SNX29: variants seen among roughly 807,000 people sequenced by gnomAD.
SNX29 encodes sorting nexin-29.
A neutral mutation model predicts 102.1 loss-of-function variants in SNX29; 78 were observed. The ratio of observed to expected loss-of-function variants is 0.76; its 90% CI spans 0.64 to 0.92. SNX29 has a LOEUF of 0.92. Among genes scored for constraint, SNX29 ranks in the 40% least tolerant of loss-of-function variants. The pLI, the probability that SNX29 is intolerant of heterozygous loss-of-function variation, is 0.00. For missense variants in SNX29, 1,280 were observed against 1,061.7 expected (o/e 1.21, Z -2.86); for synonymous variants, 580 against 414.5 (o/e 1.40, Z -4.85).
chr16:12,554,773 C>T (rs940628283), intron 20 of SNX29, among the ~76,000 whole-genome samples: 17 of 147,760 alleles, frequency 1.2e-4, no homozygotes, highest in Admixed American at 2.7e-4. Context: ...CTCTCTCCCC[C>T]GCCATAGAAT....
chr16:12,193,478 A>AAAAG (rs386384265), intron 13 of SNX29, among the ~76,000 whole-genome samples: 2 of 151,844 alleles, frequency 1.3e-5, no homozygotes. Context: ...TTCAAAAAAA[A>AAAAG]AAAAGAAAAA....
At chr16:12,393,120 ACT>A (rs1234518953) in intron 16 of SNX29, among the ~76,000 whole-genome samples, 4 of 152,166 alleles carry the variant, frequency 2.6e-5, no homozygotes, top group Admixed American at 1.3e-4. Context: ...TGAGAAAGTG[ACT>A]CTGGAAAACA....
chr16:12,177,727 A>G (rs1304704462), intron 13 of SNX29, among the ~76,000 whole-genome samples: 2 of 152,168 alleles, frequency 1.3e-5, no homozygotes, highest in Non-Finnish European at 2.9e-5. Context: ...AGTCTTTTAA[A>G]ATGAGTGAAT....
At chr16:12,431,807 G>C (rs1028619908) in intron 18 of SNX29, among the ~76,000 whole-genome samples, 2 of 152,212 alleles carry the variant, frequency 1.3e-5, no homozygotes, top group Admixed American at 6.5e-5. Flanking sequence ...TAATGCTCAC[G>C]ACATAGCTTT....
In SNX29 at chr16:12,387,443, C is replaced by G. The variant is rs559485887; in HGVS notation, c.1900-11003C>G. On this transcript the variant is annotated intron_variant, in intron 16 of 20. Transcript: ENST00000566228. ...AGTGGAGAACAGGTTCCCATCCAAG[C>G]TGAGCTGAGGGGACGATGGCTCAGG... Among the ~76,000 whole-genome samples the G allele has an allele frequency of 2.0e-5, 3 of 151,256 alleles. No individual in the cohort carries two copies. The South Asian group carries it at 6.3e-4, about 32-fold the overall frequency.
At chr16:12,404,084 C>G (rs551620352) in intron 18 of SNX29, among the ~76,000 whole-genome samples, 18 of 152,302 alleles carry the variant, frequency 1.2e-4, no homozygotes, top group Admixed American at 7.8e-4. Flanking sequence ...GTGACCACCA[C>G]TGTCGCCAGG....
intron 18 of SNX29, among the ~76,000 whole-genome samples, chr16:12,407,046 A>G (rs2084194403): frequency 6.6e-6 from 1 of 152,246 alleles, no homozygotes; most frequent in South Asian, 2.1e-4. Context: ...AGAGGTCTGC[A>G]GGGCGGCTGC....
chr16:12,309,204 T>A (rs1438109410), intron 15 of SNX29, among the ~76,000 whole-genome samples: 1 of 152,204 alleles, frequency 6.6e-6, no homozygotes, highest in Non-Finnish European at 1.5e-5. Flanking sequence ...CTGTTTGAGT[T>A]GGGTTCAGGA....
chr16:12,537,101 A>C (rs1483322395), intron 20 of SNX29, among the ~76,000 whole-genome samples: 1 of 152,232 alleles, frequency 6.6e-6, no homozygotes, highest in African/African-American at 2.4e-5. Flanking sequence ...ACCCACGGTC[A>C]GTCCCTTTCC....
chr16:12,547,914 G>C (rs1033272459), intron 20 of SNX29, among the ~76,000 whole-genome samples: 1 of 152,116 alleles, frequency 6.6e-6, no homozygotes, highest in South Asian at 2.1e-4. Flanking sequence ...CTGCTCTTAG[G>C]GGTTCAGGGA....
At chr16:12,254,645 C>CA (rs112978310) in intron 14 of SNX29, among the ~76,000 whole-genome samples, 5,016 of 139,178 alleles carry the variant, frequency 0.036, 125 homozygotes, top group Admixed American at 0.068. Context: ...ACTCCATCTC[C>CA]AAAAAAAAAA....
intron 10 of SNX29, among the ~76,000 whole-genome samples, chr16:12,070,947 G>A (rs2051266220): frequency 6.6e-6 from 1 of 152,100 alleles, no homozygotes; most frequent in Non-Finnish European, 1.5e-5. Flanking sequence ...TTTTTCATGT[G>A]TCTTTTGGCT....
At chr16:12,235,805 G>GTA (rs1555494562) in intron 14 of SNX29, among the ~76,000 whole-genome samples, 52 of 152,026 alleles carry the variant, frequency 3.4e-4, no homozygotes, top group African/African-American at 1.1e-3. Context: ...GTGTGTGTGT[G>GTA]TGTGTATGTG....
chr16:12,050,475 C>G (rs1228369336), intron 7 of SNX29, among the ~76,000 whole-genome samples: 1 of 152,056 alleles, frequency 6.6e-6, no homozygotes, highest in Non-Finnish European at 1.5e-5. Flanking sequence ...GGCTCTTCTG[C>G]TGGGCTCTTT....
chr16:12,167,846 T>C (rs1254302721), intron 13 of SNX29, among the ~76,000 whole-genome samples: 3 of 152,234 alleles, frequency 2.0e-5, no homozygotes, highest in East Asian at 1.9e-4. Context: ...TAAGGTGTTA[T>C]TGTAACCCAT....
chr16:12,549,529 T>TTATATAG lies in SNX29; in HGVS notation c.2319-18977_2319-18976insTATATAG, dbSNP rs1164314068. 4.1e-3 allele frequency among the ~76,000 whole-genome samples: 261 copies of TTATATAG among 63,980 alleles called. 1 individual carries two copies. The highest frequency in any genetic ancestry group is 0.04 in the African/African-American group (258 of 6,482). 42.0% of individuals were successfully genotyped at this position (63,980 alleles called of 152,430 possible). On this transcript the variant is annotated intron_variant, in intron 20 of 20. Coordinates refer to ENST00000566228, the MANE Select transcript of SNX29 (RefSeq NM_032167.5). ...TTCATGCCATTTTTCATCCTCTATC[T>TTATATAG]CAAATAGCCAGTAAGGCATGGAGTG...
At chr16:12,137,761 CAA>C (rs912036703) in intron 13 of SNX29, among the ~76,000 whole-genome samples, 1 of 152,162 alleles carries the variant, frequency 6.6e-6, no homozygotes, top group African/African-American at 2.4e-5. Flanking sequence ...ATTTTTATCA[CAA>C]GAGTCAAATG....
chr16:11,994,523 G>T (rs548693979), intron 1 of SNX29, among the ~76,000 whole-genome samples: 2 of 152,300 alleles, frequency 1.3e-5, no homozygotes, highest in East Asian at 3.9e-4. Flanking sequence ...CCATGGACTT[G>T]GAAATGTATC....
chr16:12,483,253 C>T (rs772574151), intron 19 of SNX29, among the ~76,000 whole-genome samples: 10 of 150,424 alleles, frequency 6.6e-5, no homozygotes, highest in Non-Finnish European at 1.5e-4. Flanking sequence ...AGGTGATCCG[C>T]CCACCTTGGC....
Sources: allele counts gnomAD v4.1 joint callset (sites outside exome capture counted in the v4.1 genomes callset), GRCh38; gene constraint gnomAD v4.1.1; transcripts MANE v1.5; gene names NCBI Gene and HGNC (gene_info 2026-07-23, HGNC 2026-07-21).